The following SNAPC3 variants were observed in gnomAD, a reference collection of about 807,000 sequenced individuals.
SNAPC3 encodes snRNA-activating protein complex subunit 3.
Under a neutral mutation model 47.7 loss-of-function variants are expected in SNAPC3, and 56 were observed. The ratio of observed to expected loss-of-function variants is 1.18; its 90% CI spans 0.95 to 1.47. SNAPC3 has a LOEUF of 1.47. Among genes scored for constraint, SNAPC3 ranks in the 40% most tolerant of loss-of-function variants. The probability of loss-of-function intolerance (pLI) is 0.00; values close to 1 mark genes in which losing one functional copy is unlikely to be tolerated. For synonymous variants in SNAPC3, 235 were observed against 189.9 expected (o/e 1.24, Z -1.95); for missense variants, 665 against 511.3 (o/e 1.30, Z -2.90).
At chr9:15,440,031 G>T (rs564370562) in intron 3 of SNAPC3, among the ~76,000 whole-genome samples, 3 of 152,290 alleles carry the variant, frequency 2.0e-5, no homozygotes, top group Non-Finnish European at 4.4e-5. Flanking sequence ...ATTTGTGTCA[G>T]TTTTGTTTCT....
chr9:15,430,901 G>A (rs1348497226), intron 2 of SNAPC3, among the ~76,000 whole-genome samples: 2 of 152,154 alleles, frequency 1.3e-5, no homozygotes, highest in East Asian at 3.8e-4. Flanking sequence ...GGTGTGCCAG[G>A]TGTAGTTTAT....
At chr9:15,458,907 A>G (rs1050324321) in intron 8 of SNAPC3, among the ~76,000 whole-genome samples, 2 of 152,226 alleles carry the variant, frequency 1.3e-5, no homozygotes, top group Non-Finnish European at 2.9e-5. Flanking sequence ...TTGGATTTCA[A>G]ATTCTCAGTG....
intron 3 of SNAPC3, among the ~76,000 whole-genome samples, chr9:15,435,300 C>T (rs1274607868): frequency 6.6e-6 from 1 of 152,070 alleles, no homozygotes; most frequent in Non-Finnish European, 1.5e-5. Flanking sequence ...TGGCCGGGTG[C>T]CATGGCTAAC....
intron 2 of SNAPC3, among the ~76,000 whole-genome samples, chr9:15,427,542 G>T (rs2031575837): frequency 6.6e-6 from 1 of 152,100 alleles, no homozygotes; most frequent in Non-Finnish European, 1.5e-5. Context: ...TAGAGATGGG[G>T]TTTCACCATT....
chr9:15,460,086 G>C lies in SNAPC3; in HGVS notation c.*220G>C. 2.8e-6 allele frequency: 1 copy of C among 360,056 alleles called. No homozygotes were observed. 22.3% of individuals were successfully genotyped at this position (360,056 alleles called of 1,614,324 possible). On this transcript the variant is annotated 3_prime_UTR_variant, in exon 9 of 9. Transcript: ENST00000380821. ...TTTATTCCAGATAGTATTTAATTTA[G>C]TGCTTTTTACCCATTTTGAGTTGAG...
At chr9:15,449,663 C>T (rs1309953535) in intron 5 of SNAPC3, among the ~76,000 whole-genome samples, 1 of 145,306 alleles carries the variant, frequency 6.9e-6, no homozygotes, top group African/African-American at 2.5e-5. Context: ...CTCTGCCTCT[C>T]GGGTTCACAC....
rs930128253 is a variant in SNAPC3 at position 15,423,066 on chromosome 9, C to G, written c.187C>G (p.Leu63Val). ...GRLRGAGDLS[L>V]REPPASALPG... ...TCTGCGCGGGGCCGGGGACTTGTCGCTGAGGGAGCCGCCGGCATCCGCTCT... is the reference window on the plus strand; with the variant it reads ...TCTGCGCGGGGCCGGGGACTTGTCGGTGAGGGAGCCGCCGGCATCCGCTCT... Residue 63 changes from leucine to valine, a missense_variant, in exon 1 of 9, where the codon CTG becomes GTG. Transcript: ENST00000380821. The G allele has an allele frequency of 1.3e-6, 2 of 1,516,036 alleles. No homozygotes were observed. The highest frequency in any genetic ancestry group is 1.8e-6 in the Non-Finnish European group (2 of 1,140,870). 93.9% of individuals were successfully genotyped at this position (1,516,036 alleles called of 1,614,324 possible).
intron 2 of SNAPC3, among the ~76,000 whole-genome samples, chr9:15,431,440 T>TAC (rs1435371489): frequency 6.6e-6 from 1 of 152,228 alleles, no homozygotes; most frequent in African/African-American, 2.4e-5. Context: ...AATCCTCTGT[T>TAC]AAAGTTATTG....
chr9:15,425,368 C>T (rs1353599902), intron 2 of SNAPC3, among the ~76,000 whole-genome samples: 2 of 152,116 alleles, frequency 1.3e-5, no homozygotes, highest in Non-Finnish European at 2.9e-5. Flanking sequence ...CCGGTGCCTG[C>T]ACCCTCGGCT....
intron 2 of SNAPC3, among the ~76,000 whole-genome samples, chr9:15,430,040 A>C (rs2031935794): frequency 6.6e-6 from 1 of 152,350 alleles, no homozygotes. Flanking sequence ...GTATACATAA[A>C]ATTTGCTCCC....
chr9:15,433,687 G>T, intron 3 of SNAPC3, 51 bp downstream of exon 3: 2 of 1,143,732 alleles, frequency 1.7e-6, no homozygotes, highest in South Asian at 2.5e-5. Flanking sequence ...ACAGTAAACC[G>T]ACATTGGCTG....
At position 15,459,396 on chromosome 9, in the gene SNAPC3, A is replaced by G. The variant is rs543634724; in HGVS notation, c.1089-323A>G. ...GATGGTCTGTTAGAAGAAAATGACT[A>G]TATTCGTACTTGGAGGATAGGTATG... is the stretch of plus-strand genomic sequence containing the variant. On this transcript the variant is annotated intron_variant, in intron 8 of 8. Transcript: ENST00000380821. 3.9e-5 allele frequency among the ~76,000 whole-genome samples: 6 copies of G among 152,322 alleles called. 1 individual carries two copies. In the South Asian group the frequency reaches 1.0e-3, roughly 26 times the overall value.
intron 2 of SNAPC3, among the ~76,000 whole-genome samples, chr9:15,426,969 G>T (rs1366766261): frequency 6.6e-6 from 1 of 152,028 alleles, no homozygotes; most frequent in East Asian, 1.9e-4. Flanking sequence ...GTATCTCTAT[G>T]CTTTATCTTT....
At chr9:15,434,359 T>G (rs1414804884) in intron 3 of SNAPC3, among the ~76,000 whole-genome samples, 1 of 152,020 alleles carries the variant, frequency 6.6e-6, no homozygotes, top group African/African-American at 2.4e-5. Context: ...AATTTGTCTA[T>G]TCTAGATATC....
In SNAPC3 at chr9:15,451,374, A is replaced by C; in HGVS notation, c.787A>C (p.Arg263=). The change falls in exon 6 of 9, where the codon AGA becomes CGA. Residue 263 remains arginine (R), a synonymous_variant. Coordinates refer to ENST00000380821, the MANE Select transcript of SNAPC3 (RefSeq NM_001039697.2). The part of the protein sequence containing the change: ...YFEGTFYNDK[R]YPECRDLSRT... ...TGAAGGAACATTTTATAATGATAAA[A>C]GATACCCAGAATGCAGAGATTTGAG... 2.6e-6 allele frequency: 4 copies of C among 1,549,456 alleles called. No individual in the cohort carries two copies. The highest frequency in any genetic ancestry group is 3.5e-6 in the Non-Finnish European group (4 of 1,131,606).
intron 3 of SNAPC3, among the ~76,000 whole-genome samples, chr9:15,443,861 A>G (rs1339378389): frequency 2.0e-5 from 3 of 152,186 alleles, no homozygotes; most frequent in Non-Finnish European, 4.4e-5. Flanking sequence ...CTTACTAATG[A>G]AAAGCAGCAA....
intron 3 of SNAPC3, among the ~76,000 whole-genome samples, chr9:15,433,989 A>C (rs2032491753): frequency 6.6e-6 from 1 of 152,136 alleles, no homozygotes; most frequent in Admixed American, 6.5e-5. Flanking sequence ...CTTGTGTAAA[A>C]CTTTGGGAAA....
At chr9:15,448,410 A>C (rs962008351) in intron 5 of SNAPC3, among the ~76,000 whole-genome samples, 5 of 152,164 alleles carry the variant, frequency 3.3e-5, no homozygotes, top group African/African-American at 1.2e-4. Flanking sequence ...TGAACATGGT[A>C]GGAAGCCCTT....
At chr9:15,443,301 G>A (rs1277237578) in intron 3 of SNAPC3, among the ~76,000 whole-genome samples, 1 of 152,192 alleles carries the variant, frequency 6.6e-6, no homozygotes, top group Non-Finnish European at 1.5e-5. Context: ...ACTTTGACTA[G>A]TAATTCCAAT....
Sources: allele counts gnomAD v4.1 joint callset (sites outside exome capture counted in the v4.1 genomes callset), GRCh38; gene constraint gnomAD v4.1.1; transcripts MANE v1.5; gene names NCBI Gene and HGNC (gene_info 2026-07-23, HGNC 2026-07-21).